Variants in CUX1 observed in about 807,000 individuals in gnomAD.
The protein encoded by CUX1 is protein CASP.
CUX1 carries 31 observed loss-of-function variants against 158.8 expected under a neutral mutation model. The observed-to-expected ratio is 0.20, with a 90% CI of 0.15 to 0.26. The LOEUF is 0.26. CUX1 is among the 10% of genes least tolerant of loss of function. The pLI, the probability that CUX1 is intolerant of heterozygous loss-of-function variation, is 1.00. For synonymous variants in CUX1, 879 were observed against 862.1 expected (o/e 1.02, Z -0.34); for missense variants, 1,589 against 2,014.6 (o/e 0.79, Z 4.04).
At chr7:101,821,671 CTTTTTTTTTTTTT>C (rs58793343) in intron 1 of CUX1, among the ~76,000 whole-genome samples, 3 of 51,302 alleles carry the variant, frequency 5.8e-5, no homozygotes, top group Non-Finnish European at 9.9e-5. Flanking sequence ...TTTCTTTTTT[CTTTTTTTTTTTTT>C]TTTTTTTTTT....
rs183909279 is a variant in CUX1 at position 102,101,845 on chromosome 7, G to A, written c.407-2491G>A. ...GAGAATTGTGTGAACCTGGGAGGCA[G>A]AGGTTGCAGTGGGCCGAGATTGCGC... On this transcript the variant is annotated intron_variant, in intron 5 of 23. Transcript: ENST00000292535. 3.3e-5 allele frequency among the ~76,000 whole-genome samples: 5 copies of A among 152,094 alleles called. No individual in the cohort carries two copies. In the East Asian group the frequency reaches 9.7e-4, roughly 29 times the overall value.
At chr7:101,951,799 A>AT (rs1260947133) in intron 2 of CUX1, among the ~76,000 whole-genome samples, 1 of 152,166 alleles carries the variant, frequency 6.6e-6, no homozygotes, top group Admixed American at 6.5e-5. Flanking sequence ...GGGCCACTGC[A>AT]TTTTTCTTAT....
chr7:102,122,312 G>T (rs1283708355), intron 8 of CUX1, among the ~76,000 whole-genome samples: 1 of 151,886 alleles, frequency 6.6e-6, no homozygotes, highest in Non-Finnish European at 1.5e-5. Flanking sequence ...TCAGAGTATG[G>T]ACTTGAATAA....
chr7:101,946,544 CAAAA>C (rs386410843), intron 2 of CUX1, among the ~76,000 whole-genome samples: 1,086 of 78,152 alleles, frequency 0.014, 3 homozygotes, highest in Middle Eastern at 0.025. Flanking sequence ...GACTCCGTCT[CAAAA>C]AAAAAAAAAA....
chr7:102,059,901 C>G (rs780547965), intron 3 of CUX1, among the ~76,000 whole-genome samples: 8 of 152,074 alleles, frequency 5.3e-5, no homozygotes, highest in African/African-American at 9.7e-5. Flanking sequence ...GTGTTTATTT[C>G]TAAATCATTA....
At chr7:102,043,967 T>C (rs1421767266) in intron 3 of CUX1, among the ~76,000 whole-genome samples, 1 of 152,128 alleles carries the variant, frequency 6.6e-6, no homozygotes, top group Non-Finnish European at 1.5e-5. Context: ...GCTTTTCATA[T>C]ACCTGTCAGC....
chr7:102,080,600 T>G (rs1827273657), intron 4 of CUX1, among the ~76,000 whole-genome samples: 1 of 152,112 alleles, frequency 6.6e-6, no homozygotes, highest in Non-Finnish European at 1.5e-5. Flanking sequence ...CTATTAAGAT[T>G]GGCTTTTTCA....
chr7:101,923,404 C>G (rs1024309241), intron 2 of CUX1, among the ~76,000 whole-genome samples: 22 of 152,192 alleles, frequency 1.4e-4, no homozygotes, highest in Non-Finnish European at 1.9e-4. Context: ...GAACCACATT[C>G]CTGAGATGCT....
chr7:102,128,040 G>A (rs1357439130), intron 8 of CUX1, among the ~76,000 whole-genome samples: 2 of 152,062 alleles, frequency 1.3e-5, no homozygotes, highest in African/African-American at 2.4e-5. Flanking sequence ...TAGAGACAGG[G>A]TTTCGCCAGT....
At chr7:102,270,778 A>T (rs1791159297) in intron 14 of CUX1, among the ~76,000 whole-genome samples, 1 of 152,206 alleles carries the variant, frequency 6.6e-6, no homozygotes, top group Non-Finnish European at 1.5e-5. Context: ...CTTTTCCAGG[A>T]TAGCGGGCCA....
chr7:102,246,510 T>TC (rs1477762299), intron 23 of CUX1, among the ~76,000 whole-genome samples: 2 of 151,674 alleles, frequency 1.3e-5, no homozygotes, highest in Non-Finnish European at 2.9e-5. Context: ...AGTAGGATCT[T>TC]CCCCAGGGGA....
At position 102,211,318 on chromosome 7, in the gene CUX1, C is replaced by T. The variant is rs1796491649; in HGVS notation, c.3130+6148C>T. Among the ~76,000 whole-genome samples, 6 of 151,936 alleles carry T rather than the reference C, an allele frequency of 3.9e-5. No homozygotes were observed. The South Asian group carries it at 1.2e-3, about 32-fold the overall frequency. On this transcript the variant is annotated intron_variant, in intron 20 of 23. Transcript: ENST00000292535. ...AAAATAAGTCAGGCATGGTGGCTTG[C>T]ACCTGTGATCCCTGCTACTCAGGAG...
chr7:101,846,959 C>T (rs1027706470), intron 1 of CUX1, among the ~76,000 whole-genome samples: 1 of 152,012 alleles, frequency 6.6e-6, no homozygotes, highest in African/African-American at 2.4e-5. Context: ...TAGCAAGACC[C>T]TGTCTCTACA....
chr7:102,188,222 G>C (rs1301664452), intron 11 of CUX1, among the ~76,000 whole-genome samples: 2 of 151,670 alleles, frequency 1.3e-5, no homozygotes, highest in Non-Finnish European at 2.9e-5. Context: ...AAAAGAAGAA[G>C]AAGAACAAGA....
intron 1 of CUX1, among the ~76,000 whole-genome samples, chr7:101,837,645 A>G (rs1249459271): frequency 6.6e-6 from 1 of 151,830 alleles, no homozygotes; most frequent in African/African-American, 2.4e-5. Flanking sequence ...CCTGGGCAAC[A>G]TAGTGAGACC....
intron 9 of CUX1, among the ~76,000 whole-genome samples, chr7:102,166,543 G>A (rs973295598): frequency 2.0e-5 from 3 of 152,224 alleles, no homozygotes; most frequent in South Asian, 2.1e-4. Flanking sequence ...TCAGGAAGAC[G>A]CCAGAGCCTC....
At chr7:102,113,014 AC>A (rs782295177) in intron 7 of CUX1, among the ~76,000 whole-genome samples, 2 of 152,220 alleles carry the variant, frequency 1.3e-5, no homozygotes, top group Non-Finnish European at 2.9e-5. Flanking sequence ...CACAAATTTG[AC>A]AAACGGATAA....
chr7:102,177,292 T>TAA (rs1792479138), intron 10 of CUX1, among the ~76,000 whole-genome samples: 1 of 151,498 alleles, frequency 6.6e-6, no homozygotes, highest in Non-Finnish European at 1.5e-5. Flanking sequence ...TGCCCACCTG[T>TAA]AATCCCAGCT....
intron 16 of CUX1, chr7:102,274,350 G>A (rs782397600): frequency 5.7e-6 from 9 of 1,565,468 alleles, no homozygotes; most frequent in Non-Finnish European, 7.9e-6. Flanking sequence ...GGAGGAGGAG[G>A]GAAGAGGAGA....
Sources: allele counts gnomAD v4.1 joint callset (sites outside exome capture counted in the v4.1 genomes callset), GRCh38; gene constraint gnomAD v4.1.1; transcripts MANE v1.5; gene names NCBI Gene and HGNC (gene_info 2026-07-23, HGNC 2026-07-21).